Variants in CACNB2 observed in about 807,000 individuals in gnomAD.
CACNB2 encodes voltage-dependent L-type calcium channel subunit beta-2.
In CACNB2, 42 loss-of-function variants were observed where a neutral mutation model predicts 73.3. The ratio of observed to expected loss-of-function variants is 0.57; its 90% CI spans 0.45 to 0.74. CACNB2 has a LOEUF of 0.74. CACNB2 is among the 30% of genes least tolerant of loss of function. The probability of loss-of-function intolerance (pLI) is 0.00; values close to 1 mark genes in which losing one functional copy is unlikely to be tolerated. For synonymous variants in CACNB2, 348 were observed against 310.3 expected (o/e 1.12, Z -1.28); for missense variants, 940 against 853.0 (o/e 1.10, Z -1.27).
intron 2 of CACNB2, among the ~76,000 whole-genome samples, chr10:18,363,307 A>T (rs541830880): frequency 6.6e-6 from 1 of 152,306 alleles, no homozygotes; most frequent in Non-Finnish European, 1.5e-5. Flanking sequence ...CTTTTCAGAC[A>T]TAACACCTAT....
At chr10:18,247,792 C>A (rs1346563380) in intron 2 of CACNB2, among the ~76,000 whole-genome samples, 2 of 152,146 alleles carry the variant, frequency 1.3e-5, no homozygotes, top group Non-Finnish European at 2.9e-5. Flanking sequence ...TACTCCATTA[C>A]CTTCATAGTA....
chr10:18,317,282 G>A (rs1012586567), intron 2 of CACNB2, among the ~76,000 whole-genome samples: 2 of 151,604 alleles, frequency 1.3e-5, no homozygotes, highest in Non-Finnish European at 2.9e-5. Flanking sequence ...GGTTACAGAT[G>A]CAGATTTGTT....
At chr10:18,269,522 A>G (rs909674821) in intron 2 of CACNB2, among the ~76,000 whole-genome samples, 1 of 152,240 alleles carries the variant, frequency 6.6e-6, no homozygotes, top group Non-Finnish European at 1.5e-5. Flanking sequence ...TGCTCAAAAG[A>G]AAGAAAATCT....
At chr10:18,296,190 A>T (rs564928854) in intron 2 of CACNB2, among the ~76,000 whole-genome samples, 3 of 152,156 alleles carry the variant, frequency 2.0e-5, no homozygotes, top group South Asian at 2.1e-4. Context: ...ACAGTTTCTA[A>T]AAATATCTGA....
At chr10:18,220,268 G>C (rs1393394661) in intron 2 of CACNB2, among the ~76,000 whole-genome samples, 1 of 125,128 alleles carries the variant, frequency 8.0e-6, no homozygotes, top group African/African-American at 3.1e-5. Context: ...GAGAGAGAGA[G>C]AGAGAGAAAG....
chr10:18,310,434 C>T (rs533966824), intron 2 of CACNB2, among the ~76,000 whole-genome samples: 8 of 150,218 alleles, frequency 5.3e-5, no homozygotes, highest in Non-Finnish European at 1.0e-4. Context: ...GGAGAAACCC[C>T]ATCTCCACTA....
intron 2 of CACNB2, among the ~76,000 whole-genome samples, chr10:18,246,890 G>A (rs1477063415): frequency 1.3e-5 from 2 of 152,160 alleles, no homozygotes; most frequent in Non-Finnish European, 2.9e-5. Flanking sequence ...GGAATTACAG[G>A]CATGAGCCAC....
chr10:18,245,462 C>T (rs1370813213), intron 2 of CACNB2, among the ~76,000 whole-genome samples: 1 of 152,082 alleles, frequency 6.6e-6, no homozygotes, highest in East Asian at 1.9e-4. Flanking sequence ...CTGGGACTTA[C>T]AGGCATGCAC....
Position 18,500,944 on chromosome 10 carries a change from T to G in CACNB2, c.589T>G (p.Ser197Ala). Residue 197 changes from serine to alanine, a missense_variant, in exon 5 of 14, where the codon TCC (serine) becomes GCC (alanine). Coordinates refer to ENST00000324631, the MANE Select transcript of CACNB2 (RefSeq NM_201596.3). ...EQRAKQGKFY[S>A]SKSGGNSSSS... The stretch of plus-strand genomic sequence containing the variant: ...GAGAGCCAAGCAAGGGAAATTCTAC[T>G]CCAGGTATGAGACAGATGTCAAGTG... 1 of 1,613,986 alleles carries G rather than the reference T, an allele frequency of 6.2e-7. No homozygotes were observed. The highest frequency in any genetic ancestry group is 8.5e-7 in the Non-Finnish European group (1 of 1,179,928).
chr10:18,171,323 C>T (rs998103157), intron 2 of CACNB2, among the ~76,000 whole-genome samples: 7 of 152,012 alleles, frequency 4.6e-5, no homozygotes, highest in African/African-American at 1.7e-4. Context: ...TTCAAAGTTG[C>T]ATAGGCAACA....
chr10:18,306,469 C>T (rs1476504628), intron 2 of CACNB2, among the ~76,000 whole-genome samples: 2 of 152,028 alleles, frequency 1.3e-5, no homozygotes, highest in African/African-American at 2.4e-5. Context: ...CATAATGGTT[C>T]CCATCAGCCT....
At chr10:18,261,758 G>C (rs1442735737) in intron 2 of CACNB2, among the ~76,000 whole-genome samples, 1 of 152,148 alleles carries the variant, frequency 6.6e-6, no homozygotes, top group Non-Finnish European at 1.5e-5. Context: ...AGCAGCTTCA[G>C]AAAAATAGTA....
At chr10:18,478,463 A>C (rs2048552733) in intron 3 of CACNB2, among the ~76,000 whole-genome samples, 1 of 152,210 alleles carries the variant, frequency 6.6e-6, no homozygotes, top group Non-Finnish European at 1.5e-5. Flanking sequence ...TGGTGTCACC[A>C]CTTGATGTTG....
chr10:18,361,411 A>G (rs1564468498), intron 2 of CACNB2, among the ~76,000 whole-genome samples: 1 of 151,208 alleles, frequency 6.6e-6, no homozygotes, highest in African/African-American at 2.4e-5. Flanking sequence ...AGGCTGGAGA[A>G]TCGCTTGAAT....
intron 2 of CACNB2, among the ~76,000 whole-genome samples, chr10:18,222,352 T>C (rs907035912): frequency 6.6e-6 from 1 of 152,128 alleles, no homozygotes; most frequent in Non-Finnish European, 1.5e-5. Flanking sequence ...CCAGTTGCAA[T>C]GTTTAGACCT....
intron 2 of CACNB2, among the ~76,000 whole-genome samples, chr10:18,255,610 C>G (rs994050430): frequency 6.6e-6 from 1 of 152,152 alleles, no homozygotes; most frequent in Non-Finnish European, 1.5e-5. Context: ...GAGCAGCACT[C>G]AGTTGATATT....
intron 2 of CACNB2, among the ~76,000 whole-genome samples, chr10:18,184,009 A>T (rs529820351): frequency 6.6e-6 from 1 of 152,236 alleles, no homozygotes; most frequent in African/African-American, 2.4e-5. Context: ...AAGGATTAAA[A>T]GTGTTAATCC....
chr10:18,177,827 C>G (rs2033685891), intron 2 of CACNB2, among the ~76,000 whole-genome samples: 1 of 152,126 alleles, frequency 6.6e-6, no homozygotes, highest in Non-Finnish European at 1.5e-5. Flanking sequence ...GGAATTACAG[C>G]TATTTGGGAA....
chr10:18,200,925 T>A (rs989047533), intron 2 of CACNB2, among the ~76,000 whole-genome samples: 2 of 152,184 alleles, frequency 1.3e-5, no homozygotes, highest in African/African-American at 4.8e-5. Flanking sequence ...GCACTACATT[T>A]ATTTTTTGTG....
Sources: gnomAD v4.1 joint callset for allele counts (sites outside exome capture counted in the v4.1 genomes callset) on GRCh38, gnomAD v4.1.1 for gene constraint, MANE v1.5 for transcripts, NCBI Gene and HGNC (gene_info 2026-07-23, HGNC 2026-07-21) for gene names.